ANKRD62: variants seen among roughly 807,000 people sequenced by gnomAD.
The protein encoded by ANKRD62 is ankyrin repeat domain-containing protein 62.
Under a neutral mutation model 98.8 loss-of-function variants are expected in ANKRD62, and 61 were observed. The ratio of observed to expected loss-of-function variants is 0.62; its 90% CI spans 0.50 to 0.76. ANKRD62 has a LOEUF of 0.76. Ranked by LOEUF, ANKRD62 falls within the 30% of genes least tolerant of loss-of-function variation. The probability of loss-of-function intolerance (pLI) is 0.00; values close to 1 mark genes in which losing one functional copy is unlikely to be tolerated. For synonymous variants in ANKRD62, 341 were observed against 367.9 expected, an observed-to-expected ratio of 0.93 and a Z score of 0.84; for missense variants, 933 against 1,082.9, an observed-to-expected ratio of 0.86 and a Z score of 1.94.
rs1218179334 is a variant in ANKRD62, at chr18:12,099,675, C to A, written c.813C>A (p.Ser271Arg). The A allele has an allele frequency of 1.4e-6, 2 of 1,470,502 alleles. No individual in the cohort carries two copies. The allele number at this position is 1,470,502 out of a possible 1,614,324, so 91.1% of individuals were successfully genotyped here. The change falls in exon 6 of 14, where the codon AGC (serine) becomes AGA (arginine). Residue 271 changes from serine (S) to arginine (R), a missense_variant. Transcript: ENST00000587848. ...AGAGATGTAAAAGTCTTCAAAATAG[C>A]AATTCAGGTATGACTTCTGATAGTG... ...ANKRCKSLQN[S>R]NSEQDLEMTS...
At chr18:12,150,661 G>GA in the ANKRD62 span, among the ~76,000 whole-genome samples, 1 of 151,920 alleles carries the variant, frequency 6.6e-6, no homozygotes, top group Non-Finnish European at 1.5e-5. Context: ...CATTCTTAAA[G>GA]AAAAAAATCC....
the ANKRD62 span, among the ~76,000 whole-genome samples, chr18:12,168,430 AG>A: frequency 6.6e-6 from 1 of 152,204 alleles, no homozygotes; most frequent in African/African-American, 2.4e-5. Flanking sequence ...GGTTTGTCAA[AG>A]ATCAGATAGT....
chr18:12,097,914 G>T (rs1909216348), intron 5 of ANKRD62, 137 bp downstream of exon 5: 2 of 1,000,030 alleles, frequency 2.0e-6, no homozygotes, highest in African/African-American at 3.3e-5. Flanking sequence ...CACTTCATCA[G>T]CCAGAAATCA....
intron 8 of ANKRD62, among the ~76,000 whole-genome samples, chr18:12,109,703 G>A (rs543879414): frequency 1.3e-4 from 20 of 152,150 alleles, no homozygotes; most frequent in African/African-American, 3.9e-4. Context: ...ATTGCTAAAC[G>A]TTATCGAAGT....
At chr18:12,131,328 A>G (rs752607890), downstream of ANKRD62, among the ~76,000 whole-genome samples, 3 of 152,246 alleles carry the variant, frequency 2.0e-5, no homozygotes, top group Non-Finnish European at 4.4e-5. Context: ...AATTTAAATC[A>G]TGGATTTCTG....
chr18:12,165,033 A>G, the ANKRD62 span, among the ~76,000 whole-genome samples: 412 of 151,996 alleles, frequency 2.7e-3, 4 homozygotes, highest in Middle Eastern at 0.02. Context: ...TTATATAATG[A>G]CTTTTTTCTC....
At chr18:12,165,536 C>G in the ANKRD62 span, among the ~76,000 whole-genome samples, 4 of 152,008 alleles carry the variant, frequency 2.6e-5, no homozygotes, top group African/African-American at 9.7e-5. Flanking sequence ...CTAATAAAAA[C>G]TCTACACTGT....
chr18:12,120,995 A>T (rs934721214), intron 10 of ANKRD62, among the ~76,000 whole-genome samples: 1 of 151,850 alleles, frequency 6.6e-6, no homozygotes, highest in South Asian at 2.1e-4. Flanking sequence ...TGGGCCAATT[A>T]TTTTTCAATT....
the ANKRD62 span, among the ~76,000 whole-genome samples, chr18:12,146,048 C>T: frequency 1.4e-3 from 210 of 150,376 alleles, 2 homozygotes; most frequent in East Asian, 6.0e-3. Context: ...GCCATTTGGG[C>T]GACTTAGCCA....
chr18:12,103,836 A>G (rs893788352), intron 7 of ANKRD62, among the ~76,000 whole-genome samples: 2 of 152,138 alleles, frequency 1.3e-5, no homozygotes, highest in Non-Finnish European at 2.9e-5. Context: ...ATATTGTTAA[A>G]TTTTTAAAAT....
chr18:12,157,042 G>A, the ANKRD62 span, among the ~76,000 whole-genome samples: 1 of 152,154 alleles, frequency 6.6e-6, no homozygotes, highest in African/African-American at 2.4e-5. Context: ...GCAAAGTGCT[G>A]AGATTAAAGG....
chr18:12,102,270 C>A (rs1030066267), intron 6 of ANKRD62: 1 of 757,044 alleles, frequency 1.3e-6, no homozygotes, highest in African/African-American at 1.7e-5. Flanking sequence ...GACCCTCTCA[C>A]TAGTCCAGTG....
intron 6 of ANKRD62, chr18:12,102,229 C>G: frequency 1.3e-6 from 1 of 790,780 alleles, no homozygotes; most frequent in Non-Finnish European, 2.3e-6. Flanking sequence ...AAATAAGCAG[C>G]TGGAAGCAGG....
At position 12,126,080 on chromosome 18, in the gene ANKRD62, C is replaced by T; in HGVS notation, c.2259C>T (p.His753=). 3.3e-6 allele frequency: 5 copies of T among 1,536,138 alleles called. No individual in the cohort carries two copies. The highest frequency in any genetic ancestry group is 4.4e-6 in the Non-Finnish European group (5 of 1,146,896). Reference sequence around the variant, plus strand: ...AGCGTCGATTGGAGGACATTGAACACATGTACCAAAATGACCAACCTATTT... The same window carrying T: ...AGCGTCGATTGGAGGACATTGAACATATGTACCAAAATGACCAACCTATTT... The part of the protein sequence containing the change: ...RTQRRLEDIE[H]MYQNDQPILE... The change falls in exon 13 of 14, where the codon CAC becomes CAT. Residue 753 remains histidine, a synonymous_variant. Coordinates refer to ENST00000587848, the MANE Select transcript of ANKRD62 (RefSeq NM_001277333.2).
At chr18:12,138,296 G>T in the ANKRD62 span, among the ~76,000 whole-genome samples, 1 of 152,078 alleles carries the variant, frequency 6.6e-6, no homozygotes, top group African/African-American at 2.4e-5. Flanking sequence ...TCTTCATTTC[G>T]TTATGTACCC....
the ANKRD62 span, among the ~76,000 whole-genome samples, chr18:12,151,593 C>T: frequency 1.3e-5 from 2 of 151,988 alleles, no homozygotes; most frequent in African/African-American, 4.8e-5. Context: ...TGAACCACAA[C>T]ACAATAAAAA....
intron 6 of ANKRD62, among the ~76,000 whole-genome samples, chr18:12,101,639 A>G (rs1909301529): frequency 6.6e-6 from 1 of 152,184 alleles, no homozygotes; most frequent in South Asian, 2.1e-4. Context: ...CAGGGCAAAA[A>G]CAGAAATTTG....
chr18:12,110,550 G>A (rs1324043802), intron 8 of ANKRD62, among the ~76,000 whole-genome samples: 1 of 152,134 alleles, frequency 6.6e-6, no homozygotes, highest in Non-Finnish European at 1.5e-5. Context: ...AGAAAATTAG[G>A]TCATCCACGA....
chr18:12,095,488 G>C lies in ANKRD62; in HGVS notation c.385G>C (p.Ala129Pro), dbSNP rs905911647. Residue 129 changes from alanine to proline, a missense_variant, in exon 3 of 14, where the codon GCC (alanine) becomes CCC (proline). This residue lies in a region of ANKRD62 where 549 missense variants were observed against 587.9 expected (regional missense o/e 0.93). Transcript: ENST00000587848. The part of the protein sequence containing the change: ...VCASILLEHG[A>P]NPNVRDMYGN... ...TGCATCCATCCTGCTGGAACATGGC[G>C]CCAACCCAAATGTTAGAGATATGTA... The C allele has an allele frequency of 1.1e-5, 18 of 1,574,726 alleles. No individual in the cohort carries two copies. The highest frequency in any genetic ancestry group is 1.5e-5 in the Non-Finnish European group (18 of 1,165,662).
Sources: gnomAD v4.1 joint callset for allele counts (sites outside exome capture counted in the v4.1 genomes callset) on GRCh38, gnomAD v4.1.1 for gene constraint, gnomAD v4.1.1 regional missense constraint, MANE v1.5 for transcripts, NCBI Gene and HGNC (gene_info 2026-07-23, HGNC 2026-07-21) for gene names.